Variants in SRRM4 observed in about 807,000 individuals in gnomAD.
The protein encoded by SRRM4 is serine/arginine repetitive matrix 4, also known as serine/arginine repetitive matrix protein 4.
In SRRM4, 33 loss-of-function variants were observed where a neutral mutation model predicts 68.9. That is an observed-to-expected ratio of 0.48 (90% CI 0.36 to 0.64). The LOEUF (loss-of-function observed/expected upper bound fraction) is 0.64, where lower values mean the gene tolerates loss of function less well. Among genes scored for constraint, SRRM4 ranks in the 30% least tolerant of loss-of-function variants. The pLI is 0.00. For missense variants in SRRM4, 817 were observed against 827.1 expected (o/e 0.99, Z 0.15); for synonymous variants, 318 against 318.8 (o/e 1.00, Z 0.03).
chr12:119,016,658 C>T (rs1160214933), intron 1 of SRRM4, among the ~76,000 whole-genome samples: 1 of 152,150 alleles, frequency 6.6e-6, no homozygotes, highest in Non-Finnish European at 1.5e-5. Context: ...CCATATTCTC[C>T]TCCATCACCT....
chr12:119,112,986 A>AC (rs139411395), intron 2 of SRRM4, among the ~76,000 whole-genome samples: 5,978 of 152,270 alleles, frequency 0.039, 135 homozygotes, highest in African/African-American at 0.055. Context: ...TTAAAAAAAA[A>AC]CAGCACATCA....
Position 119,162,116 on chromosome 12 carries a change from A to T in SRRM4, c.*5318A>T, listed in dbSNP as rs1450004060. ...TGCAAGACGTGGGAAATGGGGGCTC[A>T]AGCCCTGATGCTATGGACTCCATAC... is the stretch of plus-strand genomic sequence containing the variant. On this transcript the variant is annotated 3_prime_UTR_variant, in exon 13 of 13. Transcript: ENST00000267260. 6.6e-6 allele frequency: 1 copy of T among 152,172 alleles called. No individual in the cohort carries two copies. Among genetic ancestry groups the T allele is most frequent in the Non-Finnish European group, 1.5e-5 (1 of 68,040 alleles). The allele number at this position is 152,172 out of a possible 1,614,324, so 9.4% of individuals were successfully genotyped here. A position where few individuals can be genotyped will look rare whatever the true frequency, so the allele number is the denominator to read the frequency against.
intron 1 of SRRM4, chr12:118,993,906 T>C (rs951534517): frequency 6.6e-6 from 1 of 152,196 alleles, no homozygotes; most frequent in Non-Finnish European, 1.5e-5. Flanking sequence ...AAGAGGTTGA[T>C]GCAGGAAGAT....
chr12:118,983,057 C>T (rs995280503), intron 1 of SRRM4, among the ~76,000 whole-genome samples: 2 of 152,086 alleles, frequency 1.3e-5, no homozygotes, highest in Admixed American at 1.3e-4. Context: ...ATTTATTAAT[C>T]CTGGCAGTCT....
At chr12:119,059,706 G>A (rs999043870) in intron 1 of SRRM4, among the ~76,000 whole-genome samples, 2 of 152,136 alleles carry the variant, frequency 1.3e-5, no homozygotes, top group Non-Finnish European at 2.9e-5. Context: ...GCCACAGAAG[G>A]TTTTAGGCAG....
In SRRM4 at chr12:118,993,077, G is replaced by A. The variant is rs890782703; in HGVS notation, c.131+11064G>A. Among the ~76,000 whole-genome samples the A allele has an allele frequency of 3.3e-5, 5 of 152,288 alleles. No homozygotes were observed. In the East Asian group the frequency reaches 9.7e-4, roughly 29 times the overall value. On this transcript the variant is annotated intron_variant, in intron 1 of 12. Transcript: ENST00000267260. ...TTGATCTTGTTTGATCCTCACTACAGTAAGTACCAGTGTTATATCCATTTT... is the reference window on the plus strand; with the variant it reads ...TTGATCTTGTTTGATCCTCACTACAATAAGTACCAGTGTTATATCCATTTT...
intron 1 of SRRM4, among the ~76,000 whole-genome samples, chr12:119,043,539 C>A (rs551683130): frequency 6.6e-6 from 1 of 151,852 alleles, no homozygotes; most frequent in East Asian, 1.9e-4. Flanking sequence ...TATCCCAGAA[C>A]TTAATAAAAT....
At chr12:119,077,337 T>G (rs1291281502) in intron 1 of SRRM4, among the ~76,000 whole-genome samples, 1 of 152,164 alleles carries the variant, frequency 6.6e-6, no homozygotes, top group Non-Finnish European at 1.5e-5. Flanking sequence ...TTGATATAAG[T>G]GATCCATGGG....
At chr12:119,116,840 G>C (rs1410136594) in intron 3 of SRRM4, 97 bp from the exon 4 acceptor site, 1 of 956,024 alleles carries the variant, frequency 1.0e-6, no homozygotes, top group Non-Finnish European at 1.6e-6. Flanking sequence ...TCCTGCAAGA[G>C]CTAAAACCCT....
chr12:119,102,359 A>C lies in SRRM4; in HGVS notation c.255A>C (p.Glu85Asp). Residue 85 changes from glutamate to aspartate, a missense_variant, in exon 2 of 13, where the codon GAA becomes GAC. Glu to Asp is a conservative substitution (Grantham distance 45). Coordinates refer to ENST00000267260, the MANE Select transcript of SRRM4 (RefSeq NM_194286.4). ...NSWERDKTCRELGATRGHSAS... is the reference protein window; with the variant it reads ...NSWERDKTCRDLGATRGHSAS... Reference sequence around the variant, plus strand: ...GGGAGAGAGACAAGACCTGTCGGGAACTGGGTGCCACCAGAGGACACAGGT... The same window carrying C: ...GGGAGAGAGACAAGACCTGTCGGGACCTGGGTGCCACCAGAGGACACAGGT... 6.2e-7 allele frequency: 1 copy of C among 1,613,034 alleles called. No homozygotes were observed. Among genetic ancestry groups the C allele is most frequent in the South Asian group, 1.1e-5 (1 of 90,918 alleles).
chr12:119,092,597 A>C (rs1378262707), intron 1 of SRRM4, among the ~76,000 whole-genome samples: 3 of 152,010 alleles, frequency 2.0e-5, no homozygotes, highest in Non-Finnish European at 4.4e-5. Context: ...TTCTACCTTC[A>C]ATAAAAGTCC....
intron 1 of SRRM4, chr12:119,000,658 G>C (rs970408927): frequency 1.3e-5 from 2 of 152,212 alleles, no homozygotes; most frequent in Non-Finnish European, 2.9e-5. Context: ...TTGGAACATA[G>C]ATTTTGTGAG....
In SRRM4 at chr12:119,126,429, G is replaced by A. The variant is rs535263534; in HGVS notation, c.614+950G>A. 8.5e-5 allele frequency among the ~76,000 whole-genome samples: 13 copies of A among 152,152 alleles called. No individual in the cohort carries two copies. The South Asian group carries it at 1.7e-3, about 19-fold the overall frequency. The stretch of plus-strand genomic sequence containing the variant: ...ATATGAGAAAACTGAGGCATGGGGG[G>A]GTTAAGGACTTTACTAGTCTCTTAG... On this transcript the variant is annotated intron_variant, in intron 7 of 12. Coordinates refer to ENST00000267260, the MANE Select transcript of SRRM4 (RefSeq NM_194286.4).
chr12:118,994,067 C>G (rs1565885423), intron 1 of SRRM4: 1 of 152,152 alleles, frequency 6.6e-6, no homozygotes, highest in Non-Finnish European at 1.5e-5. Context: ...AGAAGCAGAA[C>G]AGATCTAAAC....
In SRRM4 at chr12:119,018,043, C is replaced by T. The variant is rs1055640596; in HGVS notation, c.131+36030C>T. On this transcript the variant is annotated intron_variant, in intron 1 of 12. Transcript: ENST00000267260. ...TAAATAAAACAATGTCAATAAAAGGCTTGACACAGAGTTGTTGTCAAGCAA... is the reference window on the plus strand; with the variant it reads ...TAAATAAAACAATGTCAATAAAAGGTTTGACACAGAGTTGTTGTCAAGCAA... 2.6e-5 allele frequency among the ~76,000 whole-genome samples: 4 copies of T among 152,260 alleles called. No homozygotes were observed. In the East Asian group the frequency reaches 7.7e-4, roughly 29 times the overall value.
At chr12:119,152,279 G>A (rs544422547) in intron 10 of SRRM4, among the ~76,000 whole-genome samples, 5 of 152,214 alleles carry the variant, frequency 3.3e-5, no homozygotes, top group African/African-American at 2.4e-5. Flanking sequence ...ATGAGACAAG[G>A]CAACTGATGA....
intron 12 of SRRM4, 127 bp from the exon 13 acceptor site, chr12:119,156,368 G>A: frequency 2.2e-6 from 3 of 1,383,406 alleles, no homozygotes; most frequent in Non-Finnish European, 9.6e-7. Context: ...GAAGTGGAAA[G>A]GGAGTATTTT....
chr12:118,995,272 T>C (rs1953342017), intron 1 of SRRM4, among the ~76,000 whole-genome samples: 2 of 152,348 alleles, frequency 1.3e-5, no homozygotes, highest in South Asian at 4.1e-4. Flanking sequence ...GTAAGTGATT[T>C]GTCTAACTTA....
rs1289961839 is a variant in SRRM4 at position 119,158,633 on chromosome 12, G to A, written c.*1835G>A. The A allele has an allele frequency of 6.6e-6, 1 of 152,428 alleles. No individual in the cohort carries two copies. Among genetic ancestry groups the A allele is most frequent in the Non-Finnish European group, 1.5e-5 (1 of 68,142 alleles). 9.4% of individuals were successfully genotyped at this position (152,428 alleles called of 1,614,324 possible). A position where few individuals can be genotyped will look rare whatever the true frequency, so the allele number is the denominator to read the frequency against. ...CACTGCAGAAGGCCAGATGGCAGGT[G>A]CCTGGGACAGGGGCAGGTGCCCCGG... On this transcript the variant is annotated 3_prime_UTR_variant, in exon 13 of 13. Coordinates refer to ENST00000267260, the MANE Select transcript of SRRM4 (RefSeq NM_194286.4).
Sources: allele counts gnomAD v4.1 joint callset (sites outside exome capture counted in the v4.1 genomes callset), GRCh38; gene constraint gnomAD v4.1.1; transcripts MANE v1.5; gene names NCBI Gene and HGNC (gene_info 2026-07-23, HGNC 2026-07-21).